CAMK4: variants seen among roughly 807,000 people sequenced by gnomAD.
CAMK4 encodes the protein calcium/calmodulin-dependent protein kinase type IV.
CAMK4 carries 22 observed loss-of-function variants against 44.9 expected under a neutral mutation model. The ratio of observed to expected loss-of-function variants is 0.49; its 90% confidence interval spans 0.35 to 0.70. The LOEUF (loss-of-function observed/expected upper bound fraction) is 0.70, where lower values mean the gene tolerates loss of function less well. CAMK4 is among the 30% of genes least tolerant of loss of function. CAMK4 has a pLI of 0.01. For missense variants in CAMK4, 498 were observed against 586.8 expected (o/e 0.85, Z 1.56); for synonymous variants, 218 against 215.4 (o/e 1.01, Z -0.11).
intron 1 of CAMK4, among the ~76,000 whole-genome samples, chr5:111,313,858 A>G (rs968042924): frequency 1.3e-5 from 2 of 152,228 alleles, no homozygotes; most frequent in Admixed American, 6.6e-5. Flanking sequence ...AAGGAAGCCA[A>G]TGAAATTGGA....
intron 7 of CAMK4, among the ~76,000 whole-genome samples, chr5:111,468,317 T>C (rs112571326): frequency 1.8e-4 from 27 of 152,266 alleles, no homozygotes; most frequent in African/African-American, 6.5e-4. Context: ...CCAAAACTAC[T>C]GGAATAAAAA....
intron 7 of CAMK4, among the ~76,000 whole-genome samples, chr5:111,461,581 G>A (rs1225749792): frequency 6.6e-6 from 1 of 152,074 alleles, no homozygotes; most frequent in Non-Finnish European, 1.5e-5. Flanking sequence ...TGCCTCAAGT[G>A]CATTCTTCTC....
intron 1 of CAMK4, among the ~76,000 whole-genome samples, chr5:111,305,362 A>G (rs1178604390): frequency 4.2e-5 from 1 of 23,616 alleles, no homozygotes; most frequent in Non-Finnish European, 8.6e-5. Flanking sequence ...AGACTAATAA[A>G]GAAAAAAAGA....
chr5:111,475,534 C>G (rs1457180719), intron 8 of CAMK4, among the ~76,000 whole-genome samples: 1 of 152,062 alleles, frequency 6.6e-6, no homozygotes, highest in Admixed American at 6.5e-5. Context: ...CTGTCCTATC[C>G]CCTAGTCCAT....
In CAMK4 at chr5:111,264,048, C is replaced by T. The variant is rs559545249; in HGVS notation, c.161+39404C>T. 2.6e-5 allele frequency among the ~76,000 whole-genome samples: 4 copies of T among 152,260 alleles called. No individual in the cohort carries two copies. The East Asian group carries it at 5.8e-4, about 22-fold the overall frequency. ...CTTACTACTTTCCTAGGGCATTTGC[C>T]CTTATTGTTCTCTCTCCGTGGACAG... On this transcript the variant is annotated intron_variant, in intron 1 of 10. Coordinates refer to ENST00000282356, the MANE Select transcript of CAMK4 (RefSeq NM_001744.6).
intron 1 of CAMK4, among the ~76,000 whole-genome samples, chr5:111,340,631 T>C (rs777263321): frequency 6.6e-6 from 1 of 151,328 alleles, no homozygotes; most frequent in Non-Finnish European, 1.5e-5. Context: ...TTGTTGAGGA[T>C]TTTTGTATCT....
At position 111,446,719 on chromosome 5, in the gene CAMK4, C is replaced by A; in HGVS notation, c.493C>A (p.Leu165Ile). ...TGAAAATGGGATTGTCCATCGTGAT[C>A]TCAAACCAGAGAATCTTCTTTATGC... ...LHENGIVHRDLKPENLLYATP... is the reference protein window; with the variant it reads ...LHENGIVHRDIKPENLLYATP... Residue 165 changes from leucine (L) to isoleucine (I), a missense_variant, in exon 6 of 11, where the codon CTC becomes ATC. Around this residue, in one of 3 missense-constraint regions of CAMK4, gnomAD observed 203 missense variants for 298.2 expected, o/e 0.68. Coordinates refer to ENST00000282356, the MANE Select transcript of CAMK4 (RefSeq NM_001744.6). 1 of 1,604,424 alleles carries A rather than the reference C, an allele frequency of 6.2e-7. No homozygotes were observed. Among genetic ancestry groups the A allele is most frequent in the Non-Finnish European group, 8.5e-7 (1 of 1,172,598 alleles).
At chr5:111,373,041 G>C (rs1378009543) in intron 2 of CAMK4, among the ~76,000 whole-genome samples, 1 of 152,152 alleles carries the variant, frequency 6.6e-6, no homozygotes, top group Non-Finnish European at 1.5e-5. Flanking sequence ...ATTTTAAGAA[G>C]TATGCTGGGT....
intron 5 of CAMK4, chr5:111,416,359 A>G (rs1226636296): frequency 6.6e-6 from 1 of 152,222 alleles, no homozygotes; most frequent in African/African-American, 2.4e-5. Flanking sequence ...TCTGCATTTT[A>G]GAATCTTCCA....
intron 1 of CAMK4, among the ~76,000 whole-genome samples, chr5:111,247,835 A>G (rs1472739645): frequency 2.6e-5 from 4 of 152,224 alleles, no homozygotes; most frequent in African/African-American, 9.6e-5. Context: ...GTGCTACTAT[A>G]GTTTAGAAAA....
At chr5:111,225,009 A>G (rs62376847) in intron 1 of CAMK4, among the ~76,000 whole-genome samples, 31,319 of 152,060 alleles carry the variant, frequency 0.21, 3,535 homozygotes, top group Non-Finnish European at 0.26. Flanking sequence ...GTTATTGTTT[A>G]GGGTGGGGGC....
At chr5:111,385,236 T>C (rs1013249033) in intron 4 of CAMK4, among the ~76,000 whole-genome samples, 1 of 152,076 alleles carries the variant, frequency 6.6e-6, no homozygotes, top group Non-Finnish European at 1.5e-5. Flanking sequence ...TAAGTATTCA[T>C]GTGGGGATGA....
At chr5:111,413,015 G>T (rs1017382594) in intron 5 of CAMK4, among the ~76,000 whole-genome samples, 1 of 152,128 alleles carries the variant, frequency 6.6e-6, no homozygotes, top group African/African-American at 2.4e-5. Context: ...TTGTACTGCT[G>T]TACGCCGCTG....
chr5:111,425,285 G>A lies in CAMK4; in HGVS notation c.460-21401G>A, dbSNP rs538352767. ...ATTCAATTATTATATTTCTTCACAT[G>A]TAGTTGCACATTTGTGCCAGTTTTG... is the stretch of plus-strand genomic sequence containing the variant. On this transcript the variant is annotated intron_variant, in intron 5 of 10. Coordinates refer to ENST00000282356, the MANE Select transcript of CAMK4 (RefSeq NM_001744.6). Among the ~76,000 whole-genome samples, 237 of 152,074 alleles carry A rather than the reference G, an allele frequency of 1.6e-3. 2 individuals carry two copies. The highest frequency in any genetic ancestry group is 4.7e-4 in the Non-Finnish European group (32 of 68,016).
At position 111,406,194 on chromosome 5, in the gene CAMK4, T is replaced by TTCTCTCTCTCTCTCTCTCTC. The variant is rs10524853; in HGVS notation, c.459+11423_459+11442dup. 4.4e-3 allele frequency among the ~76,000 whole-genome samples: 607 copies of TTCTCTCTCTCTCTCTCTCTC among 136,782 alleles called. 13 individuals carry two copies. The highest frequency in any genetic ancestry group is 0.017 in the African/African-American group (584 of 35,214). 89.7% of individuals were successfully genotyped at this position (136,782 alleles called of 152,430 possible). A position where few individuals can be genotyped will look rare whatever the true frequency, so the allele number is the denominator to read the frequency against. ...TCCTGTTTCCTTCTCCTAATTTATT[T>TTCTCTCTCTCTCTCTCTCTC]TCTCTCTCTCTCTCTCTCTCTCTCT... On this transcript the variant is annotated intron_variant, in intron 5 of 10. Transcript: ENST00000282356.
chr5:111,246,021 A>G (rs943054968), intron 1 of CAMK4, among the ~76,000 whole-genome samples: 6 of 152,350 alleles, frequency 3.9e-5, no homozygotes, highest in Admixed American at 3.9e-4. Context: ...ACTTTAATCC[A>G]TAGATCTTCC....
At position 111,492,000 on chromosome 5, in the gene CAMK4, AT is replaced by A; in HGVS notation, c.*7538del. On this transcript the variant is annotated 3_prime_UTR_variant, in exon 11 of 11. Transcript: ENST00000282356. ...CCCCACGCTTTCCTGAGTGTTACGT[AT>A]TTTATTTCTTTGAAAAGAGAGGGCC... The A allele has an allele frequency of 6.6e-6, 1 of 152,256 alleles. No homozygotes were observed. Among genetic ancestry groups the A allele is most frequent in the South Asian group, 2.1e-4 (1 of 4,824 alleles). The allele number at this position is 152,256 out of a possible 1,614,324, so 9.4% of individuals were successfully genotyped here.
chr5:111,466,127 A>G (rs1754818978), intron 7 of CAMK4, among the ~76,000 whole-genome samples: 1 of 152,200 alleles, frequency 6.6e-6, no homozygotes, highest in African/African-American at 2.4e-5. Flanking sequence ...GACTCAGGAA[A>G]AGCATCTGAC....
At chr5:111,438,587 C>T (rs1753725160) in intron 5 of CAMK4, among the ~76,000 whole-genome samples, 1 of 152,048 alleles carries the variant, frequency 6.6e-6, no homozygotes, top group Non-Finnish European at 1.5e-5. Flanking sequence ...TTTTTACATT[C>T]ATGTATACTC....
Sources: allele counts gnomAD v4.1 joint callset (sites outside exome capture counted in the v4.1 genomes callset), GRCh38; gene constraint gnomAD v4.1.1; regional missense constraint gnomAD v4.1.1; transcripts MANE v1.5; gene names NCBI Gene and HGNC (gene_info 2026-07-23, HGNC 2026-07-21).